Variants in MGMT observed in about 807,000 individuals in gnomAD.
The protein encoded by MGMT is methylated-DNA--protein-cysteine methyltransferase.
In MGMT, 14 loss-of-function variants were observed where a neutral mutation model predicts 15.9. The ratio of observed to expected loss-of-function variants is 0.88; its 90% confidence interval spans 0.58 to 1.37. The LOEUF (loss-of-function observed/expected upper bound fraction) is 1.37, where lower values mean the gene tolerates loss of function less well. Among genes scored for constraint, MGMT ranks in the 40% most tolerant of loss-of-function variants. The pLI is 0.00. For missense variants in MGMT, 282 were observed against 268.1 expected, an observed-to-expected ratio of 1.05 and a Z score of -0.36; for synonymous variants, 130 against 118.2, an observed-to-expected ratio of 1.10 and a Z score of -0.65.
intron 2 of MGMT, among the ~76,000 whole-genome samples, chr10:129,691,666 G>A (rs908921430): frequency 2.0e-4 from 30 of 152,084 alleles, no homozygotes; most frequent in African/African-American, 6.5e-4. Flanking sequence ...CATGAAGGAG[G>A]GGCCCGGGAG....
intron 2 of MGMT, among the ~76,000 whole-genome samples, chr10:129,621,605 G>A (rs750434283): frequency 6.6e-6 from 1 of 152,196 alleles, no homozygotes; most frequent in African/African-American, 2.4e-5. Flanking sequence ...TCCATGGTGA[G>A]CAGTGCATGG....
intron 3 of MGMT, among the ~76,000 whole-genome samples, chr10:129,737,664 T>C (rs1848579844): frequency 1.3e-5 from 2 of 152,218 alleles, no homozygotes; most frequent in South Asian, 2.1e-4. Context: ...TCTGCTCTGT[T>C]TTTTCCCCAT....
At chr10:129,692,284 G>A (rs1847978279) in intron 2 of MGMT, among the ~76,000 whole-genome samples, 1 of 152,196 alleles carries the variant, frequency 6.6e-6, no homozygotes, top group African/African-American at 2.4e-5. Flanking sequence ...GGACACACCT[G>A]GGGAGCCTGA....
At chr10:129,755,485 G>C (rs1848795234) in intron 3 of MGMT, among the ~76,000 whole-genome samples, 1 of 152,228 alleles carries the variant, frequency 6.6e-6, no homozygotes, top group Non-Finnish European at 1.5e-5. Context: ...ATGGGCCTGA[G>C]TATGCCCCTG....
chr10:129,484,805 A>G (rs1434792740), intron 1 of MGMT, among the ~76,000 whole-genome samples: 1 of 152,102 alleles, frequency 6.6e-6, no homozygotes, highest in Non-Finnish European at 1.5e-5. Flanking sequence ...TTTTTTTAAA[A>G]AAAGGTTTTG....
chr10:129,477,340 A>G (rs1055531271), intron 1 of MGMT, among the ~76,000 whole-genome samples: 2 of 152,072 alleles, frequency 1.3e-5, no homozygotes, highest in Non-Finnish European at 2.9e-5. Flanking sequence ...GATGCTCTCC[A>G]AGGCCTGGTG....
chr10:129,529,473 G>A (rs35612817), intron 1 of MGMT, among the ~76,000 whole-genome samples: 33,390 of 151,966 alleles, frequency 0.22, 4,261 homozygotes, highest in Non-Finnish European at 0.28. Context: ...TAATGCTGCC[G>A]CTGACCTGAC....
At chr10:129,604,191 G>A (rs187104586) in intron 2 of MGMT, among the ~76,000 whole-genome samples, 25 of 152,222 alleles carry the variant, frequency 1.6e-4, no homozygotes, top group East Asian at 1.5e-3. Flanking sequence ...CACTCTCTAC[G>A]ACGCTCATCA....
At chr10:129,710,380 C>T (rs1331629717) in intron 3 of MGMT, among the ~76,000 whole-genome samples, 1 of 152,224 alleles carries the variant, frequency 6.6e-6, no homozygotes, top group African/African-American at 2.4e-5. Context: ...AGGCTGGCTG[C>T]AGACCCAGGG....
In MGMT at chr10:129,532,771, C is replaced by T. The variant is rs994593968; in HGVS notation, c.-12-3470C>T. ...CCGTGGCCATCTCAGGTTAGACCCTCAGAGTGGCACTGTCAGGTAGAGGAG... is the reference window on the plus strand; with the variant it reads ...CCGTGGCCATCTCAGGTTAGACCCTTAGAGTGGCACTGTCAGGTAGAGGAG... On this transcript the variant is annotated intron_variant, in intron 1 of 4. Coordinates refer to ENST00000651593, the MANE Select transcript of MGMT (RefSeq NM_002412.5). The surrounding 1 kb of genome is among the most constrained non-coding windows in gnomAD (Gnocchi z 5.3). 6.6e-6 allele frequency among the ~76,000 whole-genome samples: 1 copy of T among 152,182 alleles called. No homozygotes were observed. The highest frequency in any genetic ancestry group is 1.5e-5 in the Non-Finnish European group (1 of 68,042).
chr10:129,718,757 C>CCAG (rs1848331202), intron 3 of MGMT, among the ~76,000 whole-genome samples: 1 of 151,928 alleles, frequency 6.6e-6, no homozygotes, highest in African/African-American at 2.4e-5. Flanking sequence ...TGTCACCTTC[C>CCAG]GCTCAGGTGT....
intron 3 of MGMT, among the ~76,000 whole-genome samples, chr10:129,748,825 G>C (rs1286759164): frequency 6.6e-6 from 1 of 152,140 alleles, no homozygotes; most frequent in Non-Finnish European, 1.5e-5. Flanking sequence ...CACTCACAAT[G>C]AGAAACCTGG....
At chr10:129,725,060 T>A (rs1172785137) in intron 3 of MGMT, among the ~76,000 whole-genome samples, 1 of 152,238 alleles carries the variant, frequency 6.6e-6, no homozygotes, top group Admixed American at 6.5e-5. Flanking sequence ...ACTGACCTGA[T>A]GGACAGGAAG....
At chr10:129,553,243 TTATTAA>T (rs1261302526) in intron 2 of MGMT, among the ~76,000 whole-genome samples, 1 of 152,230 alleles carries the variant, frequency 6.6e-6, no homozygotes, top group Non-Finnish European at 1.5e-5. Flanking sequence ...AGAGGTAGAA[TTATTAA>T]TATTAGTGAT....
chr10:129,604,666 G>A (rs949487126), intron 2 of MGMT, among the ~76,000 whole-genome samples: 2 of 152,160 alleles, frequency 1.3e-5, no homozygotes, highest in Non-Finnish European at 2.9e-5. Flanking sequence ...TTGGGAGTTG[G>A]GGGCTGCAGT....
intron 1 of MGMT, among the ~76,000 whole-genome samples, chr10:129,467,691 C>T (rs887426830): frequency 1.3e-5 from 2 of 152,222 alleles, no homozygotes; most frequent in African/African-American, 2.4e-5. Context: ...CTTGCAGCAA[C>T]CCTTTAGCAT....
At chr10:129,756,778 C>T (rs1045149293) in intron 3 of MGMT, among the ~76,000 whole-genome samples, 1 of 152,228 alleles carries the variant, frequency 6.6e-6, no homozygotes, top group Admixed American at 6.5e-5. Flanking sequence ...CAGAAGGCTG[C>T]TGTTTTAATG....
At chr10:129,670,972 A>C (rs563578615) in intron 2 of MGMT, among the ~76,000 whole-genome samples, 13 of 152,152 alleles carry the variant, frequency 8.5e-5, no homozygotes, top group Non-Finnish European at 1.3e-4. Flanking sequence ...TACCATTTTT[A>C]TTCTTTTCAT....
At position 129,729,679 on chromosome 10, in the gene MGMT, G is replaced by A. The variant is rs540963760; in HGVS notation, c.274+21636G>A. Reference sequence around the variant, plus strand: ...TTTTGCCCGTCCTTCTGACAGCTCTGTCAGTAATGATATGCCTGCCGCGTG... The same window carrying A: ...TTTTGCCCGTCCTTCTGACAGCTCTATCAGTAATGATATGCCTGCCGCGTG... On this transcript the variant is annotated intron_variant, in intron 3 of 4. Transcript: ENST00000651593. Among the ~76,000 whole-genome samples, 4 of 152,314 alleles carry A rather than the reference G, an allele frequency of 2.6e-5. 1 individual carries two copies. Among genetic ancestry groups the A allele is most frequent in the East Asian group, 3.9e-4 (2 of 5,182 alleles).
Sources: gnomAD v4.1 joint callset for allele counts (sites outside exome capture counted in the v4.1 genomes callset) on GRCh38, gnomAD v4.1.1 for gene constraint, Gnocchi (gnomAD v3.1) non-coding constraint, MANE v1.5 for transcripts, NCBI Gene and HGNC (gene_info 2026-07-23, HGNC 2026-07-21) for gene names.